Variants in DIAPH1 observed in about 807,000 individuals in gnomAD.
The protein encoded by DIAPH1 is protein diaphanous homolog 1.
Under a neutral mutation model 140.7 loss-of-function variants are expected in DIAPH1, and 46 were observed. The observed-to-expected ratio is 0.33, with a 90% CI of 0.26 to 0.42. The LOEUF (loss-of-function observed/expected upper bound fraction) is 0.42. DIAPH1 is among the 10% of genes least tolerant of loss of function. DIAPH1 has a pLI of 1.00. For missense variants in DIAPH1, 1,310 were observed against 1,558.7 expected (o/e 0.84, Z 2.69); for synonymous variants, 565 against 551.6 (o/e 1.02, Z -0.34).
chr5:141,613,693 A>G (rs2154597399), intron 1 of DIAPH1, among the ~76,000 whole-genome samples: 1 of 152,364 alleles, frequency 6.6e-6, no homozygotes, highest in South Asian at 2.1e-4. Context: ...GGTAAAATTC[A>G]TTAAAATATT....
Position 141,516,813 on chromosome 5 carries a change from G to C in DIAPH1, c.*38C>G. 1.2e-6 allele frequency: 2 copies of C among 1,612,564 alleles called. No individual in the cohort carries two copies. The highest frequency in any genetic ancestry group is 1.7e-6 in the Non-Finnish European group (2 of 1,179,658). ...CATGCTGCAGGGCAGGACAGTCTGC[G>C]GCTCCGCTGAGGAGCTGCCGCGGTC... On this transcript the variant is annotated 3_prime_UTR_variant, in exon 28 of 28. Coordinates refer to ENST00000389054, the MANE Select transcript of DIAPH1 (RefSeq NM_005219.5).
chr5:141,618,653 G>A (rs2099903095), intron 1 of DIAPH1, 145 bp downstream of exon 1: 3 of 557,232 alleles, frequency 5.4e-6, no homozygotes, highest in East Asian at 7.3e-5. Flanking sequence ...AGGATGTCGG[G>A]CTGCAGAGCT....
intron 18 of DIAPH1, among the ~76,000 whole-genome samples, chr5:141,557,542 AGT>A (rs2099892813): frequency 6.6e-6 from 1 of 152,182 alleles, no homozygotes; most frequent in African/African-American, 2.4e-5. Context: ...CAGACAGCTA[AGT>A]GAAAGGGGTT....
Position 141,528,446 on chromosome 5 carries a change from G to T in DIAPH1, c.3148+7C>A. The stretch of plus-strand genomic sequence containing the variant: ...TTGGGCTCTAGCTTCATTCCAAACT[G>T]CCCCACCTCGGCTGGCTTTCTCCAC... On this transcript the variant is annotated splice_region_variant and intron_variant, in intron 23 of 27. Transcript: ENST00000389054. 6.2e-7 allele frequency: 1 copy of T among 1,614,008 alleles called. No individual in the cohort carries two copies. The highest frequency in any genetic ancestry group is 8.5e-7 in the Non-Finnish European group (1 of 1,180,006).
chr5:141,551,744 G>GT (rs1393235297), intron 18 of DIAPH1, among the ~76,000 whole-genome samples: 1 of 152,174 alleles, frequency 6.6e-6, no homozygotes, highest in Non-Finnish European at 1.5e-5. Flanking sequence ...ACTTTTCTCA[G>GT]TAATTGATAA....
intron 1 of DIAPH1, chr5:141,618,596 G>C: frequency 2.1e-6 from 1 of 480,302 alleles, no homozygotes; most frequent in East Asian, 4.0e-5. Context: ...GGTGGCCGGG[G>C]CAAGAGCCGG....
intron 18 of DIAPH1, among the ~76,000 whole-genome samples, chr5:141,569,022 T>G (rs1265791299): frequency 6.6e-6 from 1 of 151,936 alleles, no homozygotes; most frequent in African/African-American, 2.4e-5. Context: ...TCTCACTTAC[T>G]TTTTTTAATC....
Position 141,582,378 on chromosome 5 carries a change from G to A in DIAPH1, c.621-3C>T, listed in dbSNP as rs2099896906. ...GCTTGTTCCGGCTATCGTAACTCCTGTATATAGAAGACATAATCAGTGAGG... is the reference window on the plus strand; with the variant it reads ...GCTTGTTCCGGCTATCGTAACTCCTATATATAGAAGACATAATCAGTGAGG... On this transcript the variant is annotated splice_region_variant and splice_polypyrimidine_tract_variant and intron_variant, in intron 6 of 27. Coordinates refer to ENST00000389054, the MANE Select transcript of DIAPH1 (RefSeq NM_005219.5). 2 of 1,607,744 alleles carry A rather than the reference G, an allele frequency of 1.2e-6. No individual in the cohort carries two copies. The highest frequency in any genetic ancestry group is 1.7e-6 in the Non-Finnish European group (2 of 1,174,264).
Position 141,526,084 on chromosome 5 carries a change from C to G in DIAPH1, c.3528G>C (p.Arg1176=), listed in dbSNP as rs1008027878. Residue 1176 remains arginine, a synonymous_variant, in exon 26 of 28, where the codon CGG becomes CGC. Transcript: ENST00000389054. ...KLAKEKAEKE[R]LEKQQKREQL... is the part of the protein sequence containing the mutation. Reference sequence around the variant, plus strand: ...GCTCTCTCTTCTGCTGCTTCTCTAGCCGCTCCTTCTCTGCCTTCTCCTTGG... The same window carrying G: ...GCTCTCTCTTCTGCTGCTTCTCTAGGCGCTCCTTCTCTGCCTTCTCCTTGG... 3.7e-6 allele frequency: 6 copies of G among 1,614,094 alleles called. No individual in the cohort carries two copies. The African/African-American group carries it at 6.7e-5, about 18-fold the overall frequency.
intron 18 of DIAPH1, among the ~76,000 whole-genome samples, chr5:141,554,239 C>T (rs1272799701): frequency 2.0e-5 from 3 of 151,846 alleles, no homozygotes; most frequent in Admixed American, 1.3e-4. Context: ...ATTGTGCCAC[C>T]GCACTCCAGC....
intron 23 of DIAPH1, among the ~76,000 whole-genome samples, chr5:141,528,143 T>G (rs1188612416): frequency 6.6e-6 from 1 of 152,230 alleles, no homozygotes; most frequent in Non-Finnish European, 1.5e-5. Flanking sequence ...GAGGCCTAAT[T>G]TTTGTTAATG....
At position 141,573,663 on chromosome 5, in the gene DIAPH1, A is replaced by G. The variant is rs747690182; in HGVS notation, c.2187T>C (p.Pro729=). 6.2e-7 allele frequency: 1 copy of G among 1,600,800 alleles called. No homozygotes were observed. The highest frequency in any genetic ancestry group is 1.1e-5 in the South Asian group (1 of 90,716). ...PLPGGPGIPP[P]PPFPGGPGIP... Reference sequence around the variant, plus strand: ...TGCCAGGGCCTCCGGGAAATGGAGGAGGTGGAGGGATTCCAGGACCACCAG... The same window carrying G: ...TGCCAGGGCCTCCGGGAAATGGAGGGGGTGGAGGGATTCCAGGACCACCAG... The change falls in exon 16 of 28, where the codon CCT becomes CCC. Residue 729 remains proline (P), a synonymous_variant. Transcript: ENST00000389054.
rs762356974 is a variant in DIAPH1, at chr5:141,573,742, G to T, written c.2108C>A (p.Pro703Gln). 2.9e-5 allele frequency: 44 copies of T among 1,528,832 alleles called. No individual in the cohort carries two copies. Among genetic ancestry groups the T allele is most frequent in the Middle Eastern group, 1.7e-4 (1 of 5,808 alleles). The allele number at this position is 1,528,832 out of a possible 1,614,324, so 94.7% of individuals were successfully genotyped here. ...TGCTTCTCCAGGCAAGGGAGGAGGT[G>T]GGGGGGGAATTCCAGCACTCCCAGG... is the stretch of plus-strand genomic sequence containing the variant. ...PLPGSAGIPP[P>Q]PPPLPGEAGM... The change falls in exon 16 of 28, where the codon CCA (proline) becomes CAA (glutamine). Residue 703 changes from proline to glutamine, a missense_variant. This residue lies in a region of DIAPH1 where 589 missense variants were observed against 549.3 expected (regional missense o/e 1.07). Transcript: ENST00000389054.
chr5:141,535,867 G>A (rs1052490995), intron 18 of DIAPH1, among the ~76,000 whole-genome samples: 65 of 152,218 alleles, frequency 4.3e-4, no homozygotes, highest in African/African-American at 1.5e-3. Context: ...GTTTGAACAC[G>A]ACAGTGGGAG....
At chr5:141,526,508 C>A in intron 24 of DIAPH1, 47 bp from the exon 25 acceptor site, 1 of 1,610,884 alleles carries the variant, frequency 6.2e-7, no homozygotes, top group East Asian at 2.2e-5. Context: ...AGAAGCAGAC[C>A]CACTTCTCTA....
At chr5:141,582,566 T>C (rs1208306840) in intron 6 of DIAPH1, among the ~76,000 whole-genome samples, 191 bp from the exon 7 acceptor site, 1 of 152,214 alleles carries the variant, frequency 6.6e-6, no homozygotes, top group Non-Finnish European at 1.5e-5. Context: ...TCAACAAATC[T>C]GGCTGATCCT....
At chr5:141,523,239 T>C (rs1188967034) in intron 27 of DIAPH1, among the ~76,000 whole-genome samples, 2 of 152,214 alleles carry the variant, frequency 1.3e-5, no homozygotes, top group Non-Finnish European at 1.5e-5. Context: ...CCCTCTGAAG[T>C]AGAAACCTCT....
At chr5:141,529,384 A>C (rs932502508) in intron 20 of DIAPH1, 111 bp from the exon 21 acceptor site, 133 of 999,354 alleles carry the variant, frequency 1.3e-4, no homozygotes, top group Non-Finnish European at 2.0e-4. Context: ...CCATACAGAA[A>C]GAAACATATG....
At chr5:141,532,987 T>C (rs1040343150) in intron 19 of DIAPH1, among the ~76,000 whole-genome samples, 3 of 152,254 alleles carry the variant, frequency 2.0e-5, no homozygotes, top group Non-Finnish European at 4.4e-5. Context: ...GTAATAGTTA[T>C]TGACAATAAT....
Sources: allele counts gnomAD v4.1 joint callset (sites outside exome capture counted in the v4.1 genomes callset), GRCh38; gene constraint gnomAD v4.1.1; regional missense constraint gnomAD v4.1.1; transcripts MANE v1.5; gene names NCBI Gene and HGNC (gene_info 2026-07-23, HGNC 2026-07-21).